Variants in CTSB observed in about 807,000 individuals in gnomAD.
CTSB encodes the protein cathepsin B.
CTSB carries 57 observed loss-of-function variants against 44.3 expected under a neutral mutation model. The ratio of observed to expected loss-of-function variants is 1.29; its 90% CI spans 1.04 to 1.60. The LOEUF is 1.60. Among genes scored for constraint, CTSB ranks in the 40% most tolerant of loss-of-function variants. The pLI, the probability that CTSB is intolerant of heterozygous loss-of-function variation, is 0.00. For missense variants in CTSB, 768 were observed against 443.0 expected, an observed-to-expected ratio of 1.73 and a Z score of -6.59; for synonymous variants, 320 against 168.0, an observed-to-expected ratio of 1.91 and a Z score of -7.00.
intron 1 of CTSB, among the ~76,000 whole-genome samples, chr8:11,864,783 G>A (rs1482680952): frequency 4.6e-5 from 7 of 152,090 alleles, no homozygotes; most frequent in African/African-American, 1.4e-4. Context: ...GCATGGTGGT[G>A]CATGCCTCTA....
chr8:11,850,382 G>GCACTC (rs1218028960), intron 4 of CTSB, among the ~76,000 whole-genome samples: 2 of 122,894 alleles, frequency 1.6e-5, no homozygotes, highest in African/African-American at 6.5e-5. Context: ...TCCCACCACT[G>GCACTC]CACTCCAGCC....
rs755624038 is a variant in CTSB, at chr8:11,847,679, C to G, written c.676G>C (p.Gly226Arg). 8 of 1,549,298 alleles carry G rather than the reference C, an allele frequency of 5.2e-6. No homozygotes were observed. The highest frequency in any genetic ancestry group is 6.9e-6 in the Non-Finnish European group (8 of 1,151,408). Residue 226 changes from glycine (G) to arginine (R), a missense_variant and splice_region_variant, in exon 7 of 10, where the codon GGA (glycine) becomes CGA (arginine). Coordinates refer to ENST00000353047, the MANE Select transcript of CTSB (RefSeq NM_001908.5). ...CGTGGCCAGGCCCCAGGCCCCTTAC[C>G]GTAGTGCTTGTCCTGTTTGTAGGTC... The part of the protein sequence containing the change: ...SPTYKQDKHY[G>R]YNSYSVSNSE...
chr8:11,852,780 G>A, intron 2 of CTSB, 85 bp from the exon 3 acceptor site: 2 of 1,332,832 alleles, frequency 1.5e-6, no homozygotes, highest in Non-Finnish European at 2.1e-6. Flanking sequence ...CCCAACCCAG[G>A]GAAAACCAGA....
At chr8:11,849,675 G>A (rs1227303818) in intron 4 of CTSB, 1 of 152,452 alleles carries the variant, frequency 6.6e-6, no homozygotes, top group Non-Finnish European at 1.5e-5. Context: ...ACGCCTCCTG[G>A]GTTCAAGCAA....
chr8:11,866,962 C>T (rs1157034392), intron 1 of CTSB, among the ~76,000 whole-genome samples: 2 of 152,222 alleles, frequency 1.3e-5, no homozygotes, highest in African/African-American at 4.8e-5. Context: ...TTTTTCCAGG[C>T]TACAAAAAGG....
intron 1 of CTSB, among the ~76,000 whole-genome samples, chr8:11,867,001 G>C (rs770704658): frequency 6.6e-6 from 1 of 152,052 alleles, no homozygotes; most frequent in Admixed American, 6.5e-5. Flanking sequence ...ACCCCACAGC[G>C]TCACTTCTCC....
chr8:11,858,794 T>C (rs973954786), intron 1 of CTSB, among the ~76,000 whole-genome samples: 7 of 152,232 alleles, frequency 4.6e-5, no homozygotes, highest in African/African-American at 1.7e-4. Flanking sequence ...CAAATGCAGA[T>C]GGTGAAAGTG....
At chr8:11,864,250 AAGGGGATCACTTGAAACC>A (rs1230899915) in intron 1 of CTSB, 1 of 148,414 alleles carries the variant, frequency 6.7e-6, no homozygotes, top group Non-Finnish European at 1.5e-5. Flanking sequence ...GGGAGGAGGC[AAGGGGATCACTTGAAACC>A]AGGAGTTTCA....
intron 2 of CTSB, among the ~76,000 whole-genome samples, chr8:11,852,961 G>T (rs1586142553): frequency 6.6e-6 from 1 of 152,120 alleles, no homozygotes; most frequent in South Asian, 2.1e-4. Flanking sequence ...CAGTCCGAGG[G>T]TCAGGGCTGG....
chr8:11,854,021 T>G (rs1184572703), intron 1 of CTSB, among the ~76,000 whole-genome samples: 1 of 152,122 alleles, frequency 6.6e-6, no homozygotes, highest in East Asian at 1.9e-4. Flanking sequence ...CTCTGGTTTT[T>G]CCAGTCAGCC....
At chr8:11,856,245 C>G (rs546905874) in intron 1 of CTSB, among the ~76,000 whole-genome samples, 2 of 151,916 alleles carry the variant, frequency 1.3e-5, no homozygotes, top group Non-Finnish European at 2.9e-5. Flanking sequence ...GTTTCTAAAT[C>G]TGCATGTCCT....
At chr8:11,847,333 G>C (rs925617916) in intron 7 of CTSB, among the ~76,000 whole-genome samples, 165 bp from the exon 8 acceptor site, 1 of 152,122 alleles carries the variant, frequency 6.6e-6, no homozygotes, top group Non-Finnish European at 1.5e-5. Context: ...AAGAACTAAG[G>C]ACAGGGCTGG....
At chr8:11,847,026 T>TA in intron 8 of CTSB, 26 bp downstream of exon 8, 1 of 772,496 alleles carries the variant, frequency 1.3e-6, no homozygotes, top group Non-Finnish European at 2.2e-6. Flanking sequence ...CCCCACCCTC[T>TA]ATTGCCATCA....
intron 8 of CTSB, among the ~76,000 whole-genome samples, 181 bp downstream of exon 8, chr8:11,846,869 GAC>G (rs1813460691): frequency 6.6e-6 from 1 of 152,230 alleles, no homozygotes; most frequent in South Asian, 2.1e-4. Flanking sequence ...CCTGGACAAA[GAC>G]AGTCAGGTGC....
In CTSB at chr8:11,848,161, A is replaced by T; in HGVS notation, c.447-9T>A. On this transcript the variant is annotated splice_polypyrimidine_tract_variant and intron_variant, in intron 5 of 9. Transcript: ENST00000353047. ...GATAGCCACCATTACAGCTGAAAAG[A>T]CAGCCTCTAATGAAAACCTCTGAGA... 6.2e-7 allele frequency: 1 copy of T among 1,612,634 alleles called. No individual in the cohort carries two copies. Among genetic ancestry groups the T allele is most frequent in the Non-Finnish European group, 8.5e-7 (1 of 1,178,616 alleles).
chr8:11,860,501 A>G (rs775052688), intron 1 of CTSB, among the ~76,000 whole-genome samples: 59 of 152,048 alleles, frequency 3.9e-4, no homozygotes, highest in Admixed American at 3.9e-4. Context: ...TTGTGCACCT[A>G]TAATCCCAAC....
chr8:11,857,692 G>C (rs532731601), intron 1 of CTSB, among the ~76,000 whole-genome samples: 1 of 152,190 alleles, frequency 6.6e-6, no homozygotes, highest in South Asian at 2.1e-4. Flanking sequence ...ACTAGCAGGC[G>C]ACTTCCCTGC....
intron 1 of CTSB, among the ~76,000 whole-genome samples, chr8:11,863,034 T>C (rs1467266978): frequency 6.6e-6 from 1 of 152,202 alleles, no homozygotes; most frequent in African/African-American, 2.4e-5. Context: ...AGTTCTGGGC[T>C]GAGCACAGTG....
Position 11,847,636 on chromosome 8 carries a change from C to A in CTSB, c.676+43G>T, listed in dbSNP as rs370621719. 7.5e-5 allele frequency: 113 copies of A among 1,501,066 alleles called. No individual in the cohort carries two copies. In the Middle Eastern group the frequency reaches 3.4e-3, roughly 46 times the overall value. 93.0% of individuals were successfully genotyped at this position (1,501,066 alleles called of 1,614,324 possible). ...AGCGTGAGGAGGGATGCAGCAGCTC[C>A]CCAGCCTCCACGTGCGCCGTGGCCA... is the stretch of plus-strand genomic sequence containing the variant. On this transcript the variant is annotated intron_variant, in intron 7 of 9. Transcript: ENST00000353047.
Sources: allele counts gnomAD v4.1 joint callset (sites outside exome capture counted in the v4.1 genomes callset), GRCh38; gene constraint gnomAD v4.1.1; transcripts MANE v1.5; gene names NCBI Gene and HGNC (gene_info 2026-07-23, HGNC 2026-07-21).